The following ITGB5 variants were observed in gnomAD, a reference collection of about 807,000 sequenced individuals.
ITGB5 encodes the protein integrin subunit beta 5, also known as integrin beta-5.
Under a neutral mutation model 84.8 loss-of-function variants are expected in ITGB5, and 38 were observed. That is an observed-to-expected ratio of 0.45 (90% confidence interval 0.35 to 0.59). The LOEUF is 0.59. Among genes scored for constraint, ITGB5 ranks in the 20% least tolerant of loss-of-function variants. The pLI is 0.01. For missense variants in ITGB5, 905 were observed against 1,034.5 expected, an observed-to-expected ratio of 0.87 and a Z score of 1.72; for synonymous variants, 393 against 414.4, an observed-to-expected ratio of 0.95 and a Z score of 0.63.
At chr3:124,810,963 A>C (rs1043107425) in intron 8 of ITGB5, among the ~76,000 whole-genome samples, 1 of 137,178 alleles carries the variant, frequency 7.3e-6, no homozygotes, top group African/African-American at 3.3e-5. Flanking sequence ...TATAGTGCTA[A>C]AGTTGAATAA....
intron 1 of ITGB5, among the ~76,000 whole-genome samples, chr3:124,878,449 T>C (rs1355204587): frequency 6.6e-6 from 1 of 152,236 alleles, no homozygotes; most frequent in Non-Finnish European, 1.5e-5. Flanking sequence ...AATATTCACA[T>C]GGAAAAGTAA....
At chr3:124,892,625 G>A (rs978654062), upstream of ITGB5, among the ~76,000 whole-genome samples, 3 of 149,740 alleles carry the variant, frequency 2.0e-5, no homozygotes, top group African/African-American at 7.4e-5. Flanking sequence ...AGCACAGGAG[G>A]TTGAGGCTGT....
chr3:124,841,320 C>T, intron 5 of ITGB5, 63 bp downstream of exon 5: 3 of 1,514,966 alleles, frequency 2.0e-6, no homozygotes, highest in Non-Finnish European at 1.8e-6. Context: ...GAAGTACCAA[C>T]ACCCACTGAC....
chr3:124,879,346 T>G (rs1934469920), intron 1 of ITGB5, among the ~76,000 whole-genome samples: 1 of 152,236 alleles, frequency 6.6e-6, no homozygotes, highest in Non-Finnish European at 1.5e-5. Flanking sequence ...ATAACAGAAG[T>G]GAATACAGAA....
At position 124,829,716 on chromosome 3, in the gene ITGB5, C is replaced by T. The variant is rs1403073058; in HGVS notation, c.781-8242G>A. 3.3e-5 allele frequency among the ~76,000 whole-genome samples: 5 copies of T among 152,310 alleles called. No homozygotes were observed. The East Asian group carries it at 7.7e-4, about 23-fold the overall frequency. Reference sequence around the variant, plus strand: ...CCTCCCTCCTTGAGGAAACACAGCCCTGCAAACCCCACCCTCTTTGGAGAA... The same window carrying T: ...CCTCCCTCCTTGAGGAAACACAGCCTTGCAAACCCCACCCTCTTTGGAGAA... On this transcript the variant is annotated intron_variant, in intron 5 of 14. Coordinates refer to ENST00000296181, the MANE Select transcript of ITGB5 (RefSeq NM_002213.5).
chr3:124,764,282 G>T, intron 14 of ITGB5, 109 bp downstream of exon 14: 1 of 1,195,834 alleles, frequency 8.4e-7, no homozygotes, highest in African/African-American at 1.5e-5. Flanking sequence ...TGATTCTTTT[G>T]TTTTTAATGC....
upstream of ITGB5, among the ~76,000 whole-genome samples, chr3:124,891,077 G>T (rs567351366): frequency 2.2e-4 from 34 of 152,160 alleles, no homozygotes; most frequent in Non-Finnish European, 4.3e-4. Flanking sequence ...GAGGCTGCTG[G>T]TTTTGGATCA....
In ITGB5 at chr3:124,763,649, TG is replaced by T; in HGVS notation, c.2373del (p.Asn791LysfsTer41). ...HTVDFTFNKF[N>X]KSYNGTVD is the part of the protein sequence containing the mutation. ...CAGTCCACAGTGCCATTGTAGGATT[TG>T]TTGAACTTGTTGAAGGTGAAGTCCA... On this transcript the variant is annotated frameshift_variant, in exon 15 of 15. Transcript: ENST00000296181. LOFTEE classifies it high-confidence loss of function. 1 of 1,248,010 alleles carries T rather than the reference TG, an allele frequency of 8.0e-7. No individual in the cohort carries two copies. The highest frequency in any genetic ancestry group is 1.1e-6 in the Non-Finnish European group (1 of 895,384). 77.3% of individuals were successfully genotyped at this position (1,248,010 alleles called of 1,614,324 possible). A position where few individuals can be genotyped will look rare whatever the true frequency, so the allele number is the denominator to read the frequency against.
chr3:124,875,430 T>C (rs915654198), intron 1 of ITGB5, among the ~76,000 whole-genome samples: 30 of 137,358 alleles, frequency 2.2e-4, no homozygotes, highest in African/African-American at 7.8e-4. Flanking sequence ...TGAGCCGAGA[T>C]AGTGCCACTG....
At chr3:124,835,631 T>C (rs1268051085) in intron 5 of ITGB5, among the ~76,000 whole-genome samples, 1 of 152,182 alleles carries the variant, frequency 6.6e-6, no homozygotes, top group African/African-American at 2.4e-5. Context: ...AAGCAGAACA[T>C]GTGGCGGGTC....
At chr3:124,806,500 C>G (rs2064405691) in intron 9 of ITGB5, among the ~76,000 whole-genome samples, 1 of 128,194 alleles carries the variant, frequency 7.8e-6, no homozygotes, top group Non-Finnish European at 1.6e-5. Context: ...GTGGCGCGAT[C>G]TCGGCTCACT....
chr3:124,880,087 C>T (rs1287448846), intron 1 of ITGB5, among the ~76,000 whole-genome samples: 1 of 152,034 alleles, frequency 6.6e-6, no homozygotes, highest in South Asian at 2.1e-4. Context: ...CAGAAAATCC[C>T]AAGAGGGGGA....
chr3:124,825,267 C>G (rs1005325943), intron 5 of ITGB5, among the ~76,000 whole-genome samples: 2 of 151,824 alleles, frequency 1.3e-5, no homozygotes, highest in African/African-American at 2.4e-5. Flanking sequence ...AAATGTTTCA[C>G]CAACTCTGGA....
At chr3:124,897,317 G>C (rs955041949) in intron 1 of ITGB5, among the ~76,000 whole-genome samples, 6 of 152,096 alleles carry the variant, frequency 3.9e-5, no homozygotes, top group African/African-American at 1.2e-4. Flanking sequence ...GATCAACCTA[G>C]TATGTTGCCT....
chr3:124,880,231 T>A (rs1171738858), intron 1 of ITGB5, among the ~76,000 whole-genome samples: 1 of 152,230 alleles, frequency 6.6e-6, no homozygotes, highest in South Asian at 2.1e-4. Context: ...GTATCTTGGA[T>A]GGGATCCTAG....
chr3:124,828,944 AG>A (rs1427665600), intron 5 of ITGB5, among the ~76,000 whole-genome samples: 4 of 152,206 alleles, frequency 2.6e-5, no homozygotes, highest in Non-Finnish European at 5.9e-5. Context: ...TGTTTATAAG[AG>A]GGAGGTAATA....
intron 10 of ITGB5, among the ~76,000 whole-genome samples, chr3:124,780,240 C>A (rs2063984886): frequency 7.3e-6 from 1 of 136,898 alleles, no homozygotes; most frequent in Non-Finnish European, 1.5e-5. Context: ...CCATTCACCC[C>A]CAAACGCCAC....
At chr3:124,874,063 TAA>T (rs34076180) in intron 1 of ITGB5, among the ~76,000 whole-genome samples, 5,207 of 142,310 alleles carry the variant, frequency 0.037, 110 homozygotes, top group African/African-American at 0.055. Context: ...ATAGGTCAAA[TAA>T]AAAAAAAAAA....
chr3:124,786,799 G>A (rs1408231638), intron 10 of ITGB5, among the ~76,000 whole-genome samples: 2 of 152,206 alleles, frequency 1.3e-5, no homozygotes, highest in Non-Finnish European at 2.9e-5. Context: ...CAGAGGCACT[G>A]AGCAGCAGAA....
Sources: allele counts gnomAD v4.1 joint callset (sites outside exome capture counted in the v4.1 genomes callset), GRCh38; gene constraint gnomAD v4.1.1; transcripts MANE v1.5; gene names NCBI Gene and HGNC (gene_info 2026-07-23, HGNC 2026-07-21).